The following WDR90 variants were observed in gnomAD, a reference collection of about 807,000 sequenced individuals.
The protein encoded by WDR90 is WD repeat domain 90.
A neutral mutation model predicts 195.2 loss-of-function variants in WDR90; 238 were observed. The observed-to-expected ratio is 1.22, with a 90% CI of 1.10 to 1.36. The LOEUF is 1.36. Among genes scored for constraint, WDR90 ranks in the 40% most tolerant of loss-of-function variants. The pLI, the probability that WDR90 is intolerant of heterozygous loss-of-function variation, is 0.00. For synonymous variants in WDR90, 1,265 were observed against 1,052.4 expected (o/e 1.20, Z -3.91); for missense variants, 2,734 against 2,439.5 (o/e 1.12, Z -2.54).
Position 649,745 on chromosome 16 carries a change from G to T in WDR90, c.11-18G>T. The T allele has an allele frequency of 6.5e-7, 1 of 1,546,966 alleles. No homozygotes were observed. The highest frequency in any genetic ancestry group is 8.7e-7 in the Non-Finnish European group (1 of 1,145,888). ...CGCGTGGCCGAGTCCCCTGACGCCCGGCGCCCGCTCCCCGCAGCGTGGCAG... is the reference window on the plus strand; with the variant it reads ...CGCGTGGCCGAGTCCCCTGACGCCCTGCGCCCGCTCCCCGCAGCGTGGCAG... On this transcript the variant is annotated intron_variant, in intron 1 of 40. Coordinates refer to ENST00000293879, the MANE Select transcript of WDR90 (RefSeq NM_145294.5).
intron 2 of WDR90, 24 bp downstream of exon 2, chr16:649,878 G>A: frequency 1.9e-6 from 3 of 1,576,590 alleles, no homozygotes; most frequent in Non-Finnish European, 2.6e-6. Context: ...GGCTCGCCCG[G>A]AGCCCACACC....
chr16:656,024 G>T (rs779160038), intron 17 of WDR90, 135 bp downstream of exon 17: 1 of 1,114,722 alleles, frequency 9.0e-7, no homozygotes, highest in Non-Finnish European at 1.3e-6. Context: ...GGGCCAAGTG[G>T]CATATCCAGA....
In WDR90 at chr16:659,254, C is replaced by T. The variant is rs1344761235; in HGVS notation, c.3062C>T (p.Ala1021Val). The T allele has an allele frequency of 6.2e-7, 1 of 1,611,692 alleles. No homozygotes were observed. Among genetic ancestry groups the T allele is most frequent in the South Asian group, 1.1e-5 (1 of 90,974 alleles). Residue 1021 changes from alanine to valine, a missense_variant, in exon 26 of 41, where the codon GCA becomes GTA. Ala to Val is a moderately conservative substitution (Grantham distance 64). Transcript: ENST00000293879. ...GCTGCTTCTTCCCCAGGCCCGGGCGCAGGACCGCTGGAGGACGCAGCGTCC... is the reference window on the plus strand; with the variant it reads ...GCTGCTTCTTCCCCAGGCCCGGGCGTAGGACCGCTGGAGGACGCAGCGTCC... ...APPACKTGPG[A>V]GPLEDAASRA...
Position 657,788 on chromosome 16 carries a change from G to A in WDR90, c.2500G>A (p.Ala834Thr), listed in dbSNP as rs764293237. The change falls in exon 21 of 41, where the codon GCG becomes ACG. Residue 834 changes from alanine to threonine, a missense_variant. Transcript: ENST00000293879. ...GGACATGGTATGCCCGGATGCCCCCGCGAGCCCCAGCGCCCTGGCAGTCAG... is the reference window on the plus strand; with the variant it reads ...GGACATGGTATGCCCGGATGCCCCCACGAGCCCCAGCGCCCTGGCAGTCAG... ...AADMVCPDAP[A>T]SPSALAVSRD... 28 of 1,551,122 alleles carry A rather than the reference G, an allele frequency of 1.8e-5. No homozygotes were observed. In the African/African-American group the frequency reaches 2.2e-4, roughly 12 times the overall value.
intron 30 of WDR90, 45 bp downstream of exon 30, chr16:661,546 G>A (rs113257271): frequency 1.2e-5 from 7 of 560,324 alleles, no homozygotes; most frequent in Middle Eastern, 4.1e-4. Flanking sequence ...CCTAGACCCC[G>A]GGGGGGGCTG....
intron 28 of WDR90, 93 bp downstream of exon 28, chr16:660,807 T>C: frequency 1.0e-5 from 14 of 1,366,476 alleles, no homozygotes; most frequent in Non-Finnish European, 1.4e-5. Context: ...TGGTGGCAAA[T>C]GAGCGCCAGC....
rs746961328 is a variant in WDR90 at position 665,591 on chromosome 16, CG to C, written c.4312-86del. The C allele has an allele frequency of 2.5e-6, 4 of 1,602,048 alleles. No homozygotes were observed. The East Asian group carries it at 8.9e-5, about 36-fold the overall frequency. On this transcript the variant is annotated intron_variant, in intron 34 of 40. Coordinates refer to ENST00000293879, the MANE Select transcript of WDR90 (RefSeq NM_145294.5). Reference sequence around the variant, plus strand: ...GGCACATGCTCTGGTTTGGACAGCCCGGCCCTGGGGGCTGGAATAGGAAATG... The same window carrying C: ...GGCACATGCTCTGGTTTGGACAGCCCGCCCTGGGGGCTGGAATAGGAAATG...
intron 5 of WDR90, 36 bp from the exon 6 acceptor site, chr16:650,959 G>A (rs2037633293): frequency 6.2e-7 from 1 of 1,606,528 alleles, no homozygotes; most frequent in African/African-American, 1.3e-5. Context: ...TGGCTAAACA[G>A]CCTCCCTTGA....
chr16:666,976 T>C lies in WDR90; in HGVS notation c.5076T>C (p.Ala1692=), dbSNP rs565221257. ...TGTCCCCCGGGACCCACCTCCTGGC[T>C]GTTGGCTTTGCTGGTGAGTGCTGGT... ...LSLSPGTHLL[A]VGFAECMLRL... The change falls in exon 40 of 41, where the codon GCT becomes GCC. Residue 1692 remains alanine (A), a synonymous_variant. Coordinates refer to ENST00000293879, the MANE Select transcript of WDR90 (RefSeq NM_145294.5). 6.2e-7 allele frequency: 1 copy of C among 1,604,944 alleles called. No homozygotes were observed. The highest frequency in any genetic ancestry group is 1.7e-5 in the Admixed American group (1 of 58,864).
rs370190566 is a variant in WDR90, at chr16:662,236, G to A, written c.4050G>A (p.Ser1350=). ...DDGGIGLLLF[S]GSRLVSGSST... is the part of the protein sequence containing the mutation. ...TGCCCCTAGGGCTGTTGCTGTTCTC[G>A]GGTTCTCGATTGGTCAGCGGCAGCA... is the stretch of plus-strand genomic sequence containing the variant. Residue 1350 remains serine, a synonymous_variant, in exon 33 of 41, where the codon TCG becomes TCA. Transcript: ENST00000293879. 113 of 1,575,274 alleles carry A rather than the reference G, an allele frequency of 7.2e-5. No homozygotes were observed. Among genetic ancestry groups the A allele is most frequent in the Non-Finnish European group, 3.3e-5 (38 of 1,161,726 alleles).
In WDR90 at chr16:656,809, C is replaced by G; in HGVS notation, c.2280C>G (p.Gly760=). The change falls in exon 19 of 41, where the codon GGC becomes GGG. Residue 760 remains glycine, a synonymous_variant. Transcript: ENST00000293879. ...FHPTRPTFFC[G]FSSGAVRSFS... is the part of the protein sequence containing the mutation. ...CCACAAGGCCAACCTTTTTCTGTGG[C>G]TTTAGCAGTGGGGCCGTGCGCTCCT... 1 of 1,613,158 alleles carries G rather than the reference C, an allele frequency of 6.2e-7. No homozygotes were observed. The highest frequency in any genetic ancestry group is 8.5e-7 in the Non-Finnish European group (1 of 1,179,968).
In WDR90 at chr16:656,525, C is replaced by T. The variant is rs769635947; in HGVS notation, c.2190C>T (p.Ala730=). ...GTACCGTCCGCATCTGGGACCTGGCCACCCTGCAGCAGGTGGGGTTTGGCA... is the reference window on the plus strand; with the variant it reads ...GTACCGTCCGCATCTGGGACCTGGCTACCCTGCAGCAGGTGGGGTTTGGCA... ...QDRTVRIWDL[A]TLQQLYDFTS... The change falls in exon 18 of 41, where the codon GCC becomes GCT. Residue 730 remains alanine, a synonymous_variant. Transcript: ENST00000293879. The T allele has an allele frequency of 6.4e-7, 1 of 1,568,866 alleles. No homozygotes were observed. Among genetic ancestry groups the T allele is most frequent in the South Asian group, 1.1e-5 (1 of 87,426 alleles).
Position 661,617 on chromosome 16 carries a change from C to G in WDR90, c.3694C>G (p.Leu1232Val). ...VTLGDHDGRT[L>V]ALWGTATYDL... is the part of the protein sequence containing the mutation. ...CCCAGGGGACCACGATGGCCGCACC[C>G]TCGCCCTGTGGGGCACGGCCACCTA... Residue 1232 changes from leucine (L) to valine (V), a missense_variant, in exon 31 of 41, where the codon CTC becomes GTC. Transcript: ENST00000293879. The G allele has an allele frequency of 6.3e-7, 1 of 1,597,802 alleles. No individual in the cohort carries two copies. The highest frequency in any genetic ancestry group is 8.5e-7 in the Non-Finnish European group (1 of 1,171,380).
Position 657,777 on chromosome 16 carries a change from C to T in WDR90, c.2489C>T (p.Pro830Leu), listed in dbSNP as rs562930521. The T allele has an allele frequency of 1.1e-5, 17 of 1,549,384 alleles. No homozygotes were observed. Among genetic ancestry groups the T allele is most frequent in the African/African-American group, 8.2e-5 (6 of 73,140 alleles). ...VLRVAADMVC[P>L]DAPASPSALA... The stretch of plus-strand genomic sequence containing the variant: ...GTGGCCACAGCGGACATGGTATGCC[C>T]GGATGCCCCCGCGAGCCCCAGCGCC... The change falls in exon 21 of 41, where the codon CCG (proline) becomes CTG (leucine). Residue 830 changes from proline to leucine, a missense_variant. Transcript: ENST00000293879.
At position 651,185 on chromosome 16, in the gene WDR90, C is replaced by A. The variant is rs190187388; in HGVS notation, c.669-14C>A. 172 of 1,613,214 alleles carry A rather than the reference C, an allele frequency of 1.1e-4. No homozygotes were observed. In the African/African-American group the frequency reaches 1.9e-3, roughly 17 times the overall value. ...TTGGGCCCCCAGACACTGACTCTCC[C>A]TCTGCCTGCCAAGGTTTCCAAGTGA... On this transcript the variant is annotated splice_polypyrimidine_tract_variant and intron_variant, in intron 6 of 40. Coordinates refer to ENST00000293879, the MANE Select transcript of WDR90 (RefSeq NM_145294.5).
At chr16:653,497 C>T (rs368491878) in intron 11 of WDR90, 28 bp from the exon 12 acceptor site, 18 of 1,612,462 alleles carry the variant, frequency 1.1e-5, no homozygotes, top group African/African-American at 8.0e-5. Context: ...GCAGCCCCTA[C>T]ACCCTCCCTC....
In WDR90 at chr16:662,742, C is replaced by A. The variant is rs752492798; in HGVS notation, c.4209C>A (p.Asp1403Glu). Residue 1403 changes from aspartate (D) to glutamate (E), a missense_variant, in exon 34 of 41, where the codon GAC becomes GAA. Asp to Glu is a conservative substitution (Grantham distance 45). Transcript: ENST00000293879. ...DGAVVSASFD[D>E]SVDMGVVGTT... is the part of the protein sequence containing the mutation. ...CTGTGGTGAGTGCCAGCTTCGATGA[C>A]AGCGTGGACATGGGCGTCGTGGGCA... The A allele has an allele frequency of 6.2e-7, 1 of 1,601,340 alleles. No homozygotes were observed. Among genetic ancestry groups the A allele is most frequent in the Non-Finnish European group, 8.5e-7 (1 of 1,172,242 alleles).
At chr16:655,932 C>T (rs2037743097) in intron 17 of WDR90, 43 bp downstream of exon 17, 7 of 1,549,580 alleles carry the variant, frequency 4.5e-6, no homozygotes, top group Non-Finnish European at 6.1e-6. Flanking sequence ...GAGAGCCTCG[C>T]CTGGATGCTG....
At position 659,382 on chromosome 16, in the gene WDR90, C is replaced by CA; in HGVS notation, c.3184+7dup. 1.3e-6 allele frequency: 2 copies of CA among 1,589,400 alleles called. No homozygotes were observed. The highest frequency in any genetic ancestry group is 1.7e-6 in the Non-Finnish European group (2 of 1,169,072). ...GCCTCCCGAAGGTGGCGATGGTGAG[C>CA]AGCAGGGGTCCTGGAGGAGTGGGGG... On this transcript the variant is annotated splice_region_variant and intron_variant, in intron 26 of 40. Transcript: ENST00000293879.
Sources: gnomAD v4.1 joint callset for allele counts on GRCh38, gnomAD v4.1.1 for gene constraint, MANE v1.5 for transcripts, NCBI Gene and HGNC (gene_info 2026-07-23, HGNC 2026-07-21) for gene names.